The following NXPH1 variants were observed in gnomAD, a reference collection of about 807,000 sequenced individuals.
NXPH1 encodes neurexophilin-1.
Under a neutral mutation model 23.7 loss-of-function variants are expected in NXPH1, and 5 were observed. That is an observed-to-expected ratio of 0.21 (90% CI 0.11 to 0.44). The LOEUF (loss-of-function observed/expected upper bound fraction) is 0.44, where lower values mean the gene tolerates loss of function less well. Among genes scored for constraint, NXPH1 ranks in the 20% least tolerant of loss-of-function variants. The probability of loss-of-function intolerance (pLI) is 0.99; values close to 1 mark genes in which losing one functional copy is unlikely to be tolerated. For synonymous variants in NXPH1, 144 were observed against 122.2 expected, an observed-to-expected ratio of 1.18 and a Z score of -1.18; for missense variants, 324 against 321.6, an observed-to-expected ratio of 1.01 and a Z score of -0.06.
chr7:8,726,635 T>G (rs1780059307), intron 2 of NXPH1, among the ~76,000 whole-genome samples: 1 of 150,430 alleles, frequency 6.6e-6, no homozygotes, highest in African/African-American at 2.5e-5. Flanking sequence ...GATTTCCAAT[T>G]TCATCCATGT....
chr7:8,749,096 T>A (rs1009485173), intron 2 of NXPH1, among the ~76,000 whole-genome samples: 1 of 152,196 alleles, frequency 6.6e-6, no homozygotes, highest in African/African-American at 2.4e-5. Flanking sequence ...TGTGCAAAAC[T>A]TCTCCCAGGC....
intron 2 of NXPH1, among the ~76,000 whole-genome samples, chr7:8,470,508 A>G (rs1383690522): frequency 1.3e-5 from 2 of 152,172 alleles, no homozygotes; most frequent in African/African-American, 2.4e-5. Flanking sequence ...TGAATATTAG[A>G]CCATTTAGGG....
At chr7:8,731,455 T>C (rs1380466129) in intron 2 of NXPH1, among the ~76,000 whole-genome samples, 2 of 152,216 alleles carry the variant, frequency 1.3e-5, no homozygotes, top group Non-Finnish European at 2.9e-5. Context: ...CTCTGTTTTT[T>C]CCCCATCTTT....
chr7:8,513,536 T>C (rs78531396), intron 2 of NXPH1, among the ~76,000 whole-genome samples: 2 of 152,254 alleles, frequency 1.3e-5, no homozygotes, highest in Non-Finnish European at 2.9e-5. Context: ...CATGCATCTA[T>C]TTCTAAAACC....
In NXPH1 at chr7:8,532,368, G is replaced by A. The variant is rs1270050915; in HGVS notation, c.54+96601G>A. 5.3e-5 allele frequency among the ~76,000 whole-genome samples: 8 copies of A among 149,912 alleles called. No homozygotes were observed. The East Asian group carries it at 1.6e-3, about 30-fold the overall frequency. Reference sequence around the variant, plus strand: ...ACAGACACCTTCAGGCAGGAAAGAAGGAAAGCATTTGCTGCAGCCTGCCCC... The same window carrying A: ...ACAGACACCTTCAGGCAGGAAAGAAAGAAAGCATTTGCTGCAGCCTGCCCC... On this transcript the variant is annotated intron_variant, in intron 2 of 2. Transcript: ENST00000405863.
At chr7:8,678,075 T>C (rs1016423699) in intron 2 of NXPH1, among the ~76,000 whole-genome samples, 1 of 152,196 alleles carries the variant, frequency 6.6e-6, no homozygotes, top group African/African-American at 2.4e-5. Context: ...TTGATGGAGT[T>C]AGAGGATACT....
chr7:8,614,940 T>G (rs2128630275), intron 2 of NXPH1, among the ~76,000 whole-genome samples: 1 of 152,208 alleles, frequency 6.6e-6, no homozygotes, highest in South Asian at 2.1e-4. Flanking sequence ...AGCAAAGGTC[T>G]TTTAAATGGT....
chr7:8,555,031 C>A (rs1249323210), intron 2 of NXPH1, among the ~76,000 whole-genome samples: 1 of 151,594 alleles, frequency 6.6e-6, no homozygotes, highest in Non-Finnish European at 1.5e-5. Flanking sequence ...GAAGGGCAGT[C>A]CTTGGAAGGC....
chr7:8,521,939 A>G (rs1476923507), intron 2 of NXPH1, among the ~76,000 whole-genome samples: 5 of 152,154 alleles, frequency 3.3e-5, no homozygotes, highest in African/African-American at 1.2e-4. Context: ...AGACAATGAG[A>G]TGATGTTGTG....
chr7:8,712,072 C>T (rs759016318), intron 2 of NXPH1, among the ~76,000 whole-genome samples: 3 of 152,086 alleles, frequency 2.0e-5, no homozygotes, highest in Admixed American at 6.6e-5. Context: ...AAAAGAGAGT[C>T]GAGAAGTGGA....
chr7:8,642,032 G>A (rs1348706072), intron 2 of NXPH1, among the ~76,000 whole-genome samples: 3 of 152,152 alleles, frequency 2.0e-5, no homozygotes, highest in Non-Finnish European at 4.4e-5. Flanking sequence ...TACTATGGAA[G>A]TGTCATCCTT....
At chr7:8,523,350 C>G (rs560724015) in intron 2 of NXPH1, among the ~76,000 whole-genome samples, 4 of 152,312 alleles carry the variant, frequency 2.6e-5, no homozygotes, top group South Asian at 2.1e-4. Flanking sequence ...TGGGGTCCCC[C>G]CAACCAGGTT....
intron 2 of NXPH1, among the ~76,000 whole-genome samples, chr7:8,585,180 T>C (rs1347019696): frequency 6.6e-6 from 1 of 152,218 alleles, no homozygotes; most frequent in Non-Finnish European, 1.5e-5. Flanking sequence ...CATGAAATAC[T>C]TCGTTTGCTT....
intron 2 of NXPH1, among the ~76,000 whole-genome samples, chr7:8,504,471 TAGAACAGG>T (rs1817489259): frequency 6.6e-6 from 1 of 152,056 alleles, no homozygotes; most frequent in Non-Finnish European, 1.5e-5. Flanking sequence ...AGAAAAAATG[TAGAACAGG>T]GAACTCACCT....
chr7:8,543,165 G>A (rs1818144919), intron 2 of NXPH1, among the ~76,000 whole-genome samples: 1 of 151,442 alleles, frequency 6.6e-6, no homozygotes, highest in Non-Finnish European at 1.5e-5. Flanking sequence ...TACATATACT[G>A]CTACTATAAA....
At chr7:8,473,186 T>C (rs976050064) in intron 2 of NXPH1, among the ~76,000 whole-genome samples, 13 of 152,184 alleles carry the variant, frequency 8.5e-5, no homozygotes, top group African/African-American at 2.9e-4. Flanking sequence ...AATTCTTCAA[T>C]GTAGGGAAAT....
At chr7:8,731,656 G>T (rs1780156240) in intron 2 of NXPH1, among the ~76,000 whole-genome samples, 1 of 152,168 alleles carries the variant, frequency 6.6e-6, no homozygotes, top group East Asian at 1.9e-4. Flanking sequence ...GCTGCTCGGG[G>T]GTCAGGGGTC....
chr7:8,570,428 T>G (rs753658789), intron 2 of NXPH1, among the ~76,000 whole-genome samples: 1 of 152,002 alleles, frequency 6.6e-6, no homozygotes, highest in Non-Finnish European at 1.5e-5. Context: ...ACTTACCTTA[T>G]AGGATTGTTA....
chr7:8,509,187 A>G (rs1430856050), intron 2 of NXPH1, among the ~76,000 whole-genome samples: 1 of 152,118 alleles, frequency 6.6e-6, no homozygotes, highest in Non-Finnish European at 1.5e-5. Flanking sequence ...CAAAACTTAT[A>G]TATCTTATTT....
Sources: allele counts gnomAD v4.1 joint callset (sites outside exome capture counted in the v4.1 genomes callset), GRCh38; gene constraint gnomAD v4.1.1; transcripts MANE v1.5; gene names NCBI Gene and HGNC (gene_info 2026-07-23, HGNC 2026-07-21).